COPS3: variants seen among roughly 807,000 people sequenced by gnomAD.
COPS3 encodes COP9 signalosome complex subunit 3.
In COPS3, 10 loss-of-function variants were observed where a neutral mutation model predicts 58.2. The observed-to-expected ratio is 0.17, with a 90% CI of 0.11 to 0.29. The LOEUF is 0.29. Among genes scored for constraint, COPS3 ranks in the 10% least tolerant of loss-of-function variants. The pLI is 1.00. For synonymous variants in COPS3, 187 were observed against 181.7 expected (o/e 1.03, Z -0.24); for missense variants, 333 against 510.1 (o/e 0.65, Z 3.34).
Position 17,247,104 on chromosome 17 carries a change from A to C in COPS3, c.1266T>G (p.Tyr422Ter), listed in dbSNP as rs575286191. 4 of 1,613,766 alleles carry C rather than the reference A, an allele frequency of 2.5e-6. No individual in the cohort carries two copies. The highest frequency in any genetic ancestry group is 3.4e-6 in the Non-Finnish European group (4 of 1,179,636). ...EDDSGNKPSS[Y>*]S ...CTCAGGATGGATGTTAGTTTCAAGA[A>C]TAACTGGATGGTTTGTTTCCTGAAT... The change falls in exon 12 of 12, where the codon TAT becomes TAG. Residue 422 changes from tyrosine (Y) to a stop codon, truncating the protein, a stop_gained. Transcript: ENST00000268717. LOFTEE classifies it high-confidence loss of function.
In COPS3 at chr17:17,264,949, G is replaced by A. The variant is rs374612990; in HGVS notation, c.474C>T (p.Ala158=). ...TCATATCCACGTCAAGATATGGAAGGGCAGGCTTAAAGCATTTTGCTAGCA... is the reference window on the plus strand; with the variant it reads ...TCATATCCACGTCAAGATATGGAAGAGCAGGCTTAAAGCATTTTGCTAGCA... The part of the protein sequence containing the change: ...LCLLAKCFKP[A]LPYLDVDMMD... Residue 158 remains alanine, a synonymous_variant, in exon 6 of 12, where the codon GCC becomes GCT. Coordinates refer to ENST00000268717, the MANE Select transcript of COPS3 (RefSeq NM_003653.4). 6.2e-7 allele frequency: 1 copy of A among 1,612,782 alleles called. No individual in the cohort carries two copies. The highest frequency in any genetic ancestry group is 1.3e-5 in the African/African-American group (1 of 74,866).
At chr17:17,278,957 C>T (rs545104099) in intron 1 of COPS3, among the ~76,000 whole-genome samples, 266 of 151,644 alleles carry the variant, frequency 1.8e-3, no homozygotes, top group African/African-American at 5.8e-3. Context: ...TCACTGCAAG[C>T]TCCACCTCCC....
intron 2 of COPS3, 24 bp downstream of exon 2, chr17:17,276,011 A>T: frequency 6.2e-7 from 1 of 1,609,424 alleles, no homozygotes; most frequent in Middle Eastern, 1.7e-4. Flanking sequence ...CAAGCACAGA[A>T]CTATAAAAGA....
intron 6 of COPS3, among the ~76,000 whole-genome samples, chr17:17,264,195 A>C (rs1239273769): frequency 6.6e-6 from 1 of 152,266 alleles, no homozygotes; most frequent in Non-Finnish European, 1.5e-5. Flanking sequence ...TACTTAATAC[A>C]TGCTATGAAC....
At chr17:17,261,274 C>T (rs1003349263) in intron 7 of COPS3, among the ~76,000 whole-genome samples, 1 of 152,232 alleles carries the variant, frequency 6.6e-6, no homozygotes, top group Non-Finnish European at 1.5e-5. Flanking sequence ...CGCCTGTAAT[C>T]CCAGCACTTT....
chr17:17,271,617 C>T (rs1156349955), intron 2 of COPS3, among the ~76,000 whole-genome samples: 1 of 150,672 alleles, frequency 6.6e-6, no homozygotes, highest in African/African-American at 2.4e-5. Flanking sequence ...GTCGGGAGTT[C>T]GAGACCAGCC....
chr17:17,250,653 C>A (rs2047822836), intron 9 of COPS3, among the ~76,000 whole-genome samples: 1 of 152,164 alleles, frequency 6.6e-6, no homozygotes, highest in African/African-American at 2.4e-5. Context: ...AAGCCAAATC[C>A]TGCCCATGAA....
chr17:17,267,009 G>T (rs1426145382), intron 5 of COPS3, among the ~76,000 whole-genome samples: 3 of 150,034 alleles, frequency 2.0e-5, no homozygotes, highest in East Asian at 2.1e-4. Context: ...CACCTGGCAG[G>T]CTCCACAATT....
chr17:17,266,644 CA>C (rs1174947047), intron 5 of COPS3, among the ~76,000 whole-genome samples: 1 of 151,614 alleles, frequency 6.6e-6, no homozygotes, highest in African/African-American at 2.4e-5. Context: ...ACTAAAAATA[CA>C]AAAATTAGCC....
chr17:17,270,526 G>A (rs540525445), intron 4 of COPS3, among the ~76,000 whole-genome samples: 25 of 152,072 alleles, frequency 1.6e-4, no homozygotes, highest in African/African-American at 6.0e-4. Context: ...CAACTACTTG[G>A]TAGTTCCAGC....
At chr17:17,265,067 T>C in intron 5 of COPS3, 86 bp from the exon 6 acceptor site, 3 of 1,204,752 alleles carry the variant, frequency 2.5e-6, no homozygotes, top group Non-Finnish European at 3.5e-6. Context: ...ATTCCAGAAA[T>C]TTCCAAATAA....
At chr17:17,267,346 A>T (rs1258317471) in intron 5 of COPS3, among the ~76,000 whole-genome samples, 1 of 149,476 alleles carries the variant, frequency 6.7e-6, no homozygotes, top group Non-Finnish European at 1.5e-5. Flanking sequence ...AAAAAAAAAA[A>T]AGTTACAACT....
intron 6 of COPS3, among the ~76,000 whole-genome samples, chr17:17,263,924 G>A (rs1300728111): frequency 6.6e-6 from 1 of 152,212 alleles, no homozygotes; most frequent in Non-Finnish European, 1.5e-5. Flanking sequence ...GCTACGAAGT[G>A]CATTTTTATA....
intron 9 of COPS3, 107 bp downstream of exon 9, chr17:17,254,752 G>A: frequency 1.6e-6 from 1 of 630,236 alleles, no homozygotes. Context: ...GGAGGTTGCA[G>A]TGAGCCAAGA....
intron 9 of COPS3, among the ~76,000 whole-genome samples, chr17:17,251,128 G>A (rs573692449): frequency 6.6e-6 from 1 of 152,154 alleles, no homozygotes; most frequent in African/African-American, 2.4e-5. Flanking sequence ...CCGAGTAGCT[G>A]GGACTACAGG....
At chr17:17,274,392 C>A (rs1226473407) in intron 2 of COPS3, among the ~76,000 whole-genome samples, 1 of 138,106 alleles carries the variant, frequency 7.2e-6, no homozygotes, top group African/African-American at 2.7e-5. Context: ...AGCAGATAAA[C>A]CAAAAGATGT....
intron 1 of COPS3, among the ~76,000 whole-genome samples, chr17:17,277,676 T>C (rs2048489477): frequency 1.3e-5 from 2 of 152,132 alleles, no homozygotes; most frequent in Admixed American, 1.3e-4. Context: ...CACCTTGGCC[T>C]CCCAAAGTGC....
chr17:17,280,444 C>T lies in COPS3; in HGVS notation c.55+688G>A, dbSNP rs916422296. ...GTGAGCTGGCGGGCGCCTGTAATCT[C>T]AGCTACTCGGGAGGCTGAGACAGGA... On this transcript the variant is annotated intron_variant, in intron 1 of 11. Transcript: ENST00000268717. 5.9e-6 allele frequency: 4 copies of T among 672,744 alleles called. No individual in the cohort carries two copies. The African/African-American group carries it at 8.0e-5, about 13-fold the overall frequency. The allele number at this position is 672,744 out of a possible 1,614,324, so 41.7% of individuals were successfully genotyped here. A position where few individuals can be genotyped will look rare whatever the true frequency, so the allele number is the denominator to read the frequency against.
In COPS3 at chr17:17,280,746, G is replaced by A. The variant is rs886107490; in HGVS notation, c.55+386C>T. The A allele has an allele frequency of 5.6e-6, 7 of 1,246,198 alleles. No homozygotes were observed. The African/African-American group carries it at 7.8e-5, about 14-fold the overall frequency. 77.2% of individuals were successfully genotyped at this position (1,246,198 alleles called of 1,614,324 possible). On this transcript the variant is annotated intron_variant, in intron 1 of 11. Transcript: ENST00000268717. ...CCTAGTCAGCAAGCTGCGGATCGGC[G>A]GCAAAGATGACATGGCGGTGCGCCA...
Sources: gnomAD v4.1 joint callset for allele counts (sites outside exome capture counted in the v4.1 genomes callset) on GRCh38, gnomAD v4.1.1 for gene constraint, MANE v1.5 for transcripts, NCBI Gene and HGNC (gene_info 2026-07-23, HGNC 2026-07-21) for gene names.